Variants in MAL2 observed in about 807,000 individuals in gnomAD.
The protein encoded by MAL2 is protein MAL2.
In MAL2, 17 loss-of-function variants were observed where a neutral mutation model predicts 18.1. That is an observed-to-expected ratio of 0.94 (90% confidence interval 0.64 to 1.41). The LOEUF (loss-of-function observed/expected upper bound fraction) is 1.41, where lower values mean the gene tolerates loss of function less well. Among genes scored for constraint, MAL2 ranks in the 40% most tolerant of loss-of-function variants. The probability of loss-of-function intolerance (pLI) is 0.00; values close to 1 mark genes in which losing one functional copy is unlikely to be tolerated. For synonymous variants in MAL2, 102 were observed against 102.3 expected, an observed-to-expected ratio of 1.00 and a Z score of 0.02; for missense variants, 222 against 231.9, an observed-to-expected ratio of 0.96 and a Z score of 0.28.
At chr8:119,236,747 G>C (rs1305672702) in intron 2 of MAL2, among the ~76,000 whole-genome samples, 1 of 150,568 alleles carries the variant, frequency 6.6e-6, no homozygotes, top group East Asian at 1.9e-4. Context: ...AAACCAACGA[G>C]AACAAAGACA....
At chr8:119,234,629 C>T (rs1346364111) in intron 2 of MAL2, among the ~76,000 whole-genome samples, 1 of 151,926 alleles carries the variant, frequency 6.6e-6, no homozygotes, top group African/African-American at 2.4e-5. Context: ...GGCAGACTGC[C>T]TCCTCAAGTG....
intron 2 of MAL2, among the ~76,000 whole-genome samples, chr8:119,222,520 CA>C (rs771003231): frequency 0.046 from 3,738 of 80,500 alleles, 106 homozygotes; most frequent in African/African-American, 0.13. Context: ...GACTCCATCT[CA>C]AAAAAAAAAA....
chr8:119,234,263 C>T lies in MAL2; in HGVS notation c.304-5902C>T, dbSNP rs949806289. ...GCACTTTTCAGACCGGCTTAAAAAA[C>T]GGCGCACCACGAGATTGTATCCCAC... On this transcript the variant is annotated intron_variant, in intron 2 of 3. Transcript: ENST00000614891. 2.6e-4 allele frequency among the ~76,000 whole-genome samples: 39 copies of T among 152,252 alleles called. 1 individual carries two copies. The highest frequency in any genetic ancestry group is 8.2e-4 in the African/African-American group (34 of 41,560).
chr8:119,221,502 T>C, intron 1 of MAL2, 85 bp from the exon 2 acceptor site: 2 of 1,517,366 alleles, frequency 1.3e-6, no homozygotes, highest in Non-Finnish European at 1.8e-6. Flanking sequence ...ATGAAGGCAA[T>C]GCTGAGGGTA....
intron 1 of MAL2, among the ~76,000 whole-genome samples, chr8:119,220,672 C>G (rs1179645681): frequency 6.6e-6 from 1 of 152,124 alleles, no homozygotes; most frequent in African/African-American, 2.4e-5. Context: ...TGTTCTTCAC[C>G]TATGCGGGGC....
intron 2 of MAL2, among the ~76,000 whole-genome samples, chr8:119,226,356 T>C (rs905724553): frequency 2.0e-5 from 3 of 152,090 alleles, no homozygotes; most frequent in Admixed American, 6.5e-5. Context: ...TTTCTACTTA[T>C]GGCTAGCCAG....
intron 1 of MAL2, among the ~76,000 whole-genome samples, chr8:119,219,921 A>G (rs1817436033): frequency 2.0e-5 from 3 of 152,306 alleles, no homozygotes; most frequent in African/African-American, 7.2e-5. Context: ...GAGTGGGAGA[A>G]TCTCAAGTAC....
intron 1 of MAL2, chr8:119,215,389 C>T (rs1817333169): frequency 6.6e-6 from 1 of 152,120 alleles, no homozygotes; most frequent in Non-Finnish European, 1.5e-5. Flanking sequence ...TTACACATGC[C>T]GGTTGGTTTC....
intron 1 of MAL2, 37 bp from the exon 2 acceptor site, chr8:119,221,550 T>C (rs764011448): frequency 6.2e-7 from 1 of 1,611,438 alleles, no homozygotes; most frequent in South Asian, 1.1e-5. Flanking sequence ...GAAAGGTATC[T>C]TTTAAGCAAA....
In MAL2 at chr8:119,243,654, TA is replaced by T; in HGVS notation, c.*168del. 1 of 448,760 alleles carries T rather than the reference TA, an allele frequency of 2.2e-6. No individual in the cohort carries two copies. Among genetic ancestry groups the T allele is most frequent in the Non-Finnish European group, 3.9e-6 (1 of 259,402 alleles). 27.8% of individuals were successfully genotyped at this position (448,760 alleles called of 1,614,324 possible). A position where few individuals can be genotyped will look rare whatever the true frequency, so the allele number is the denominator to read the frequency against. ...CTGGTTTATTTCATGGATGGAATGT[TA>T]ATTTTATTATGATATTAAAGAAATG... On this transcript the variant is annotated 3_prime_UTR_variant, in exon 4 of 4. Coordinates refer to ENST00000614891, the MANE Select transcript of MAL2 (RefSeq NM_052886.3).
intron 2 of MAL2, among the ~76,000 whole-genome samples, chr8:119,222,396 G>A (rs979672134): frequency 2.0e-5 from 3 of 151,738 alleles, no homozygotes; most frequent in African/African-American, 7.3e-5. Context: ...CGGGCATGAT[G>A]GGGTGTGCCT....
At chr8:119,209,149 T>A (rs1171756961) in intron 1 of MAL2, 1 of 154,706 alleles carries the variant, frequency 6.5e-6, no homozygotes, top group Non-Finnish European at 1.4e-5. Flanking sequence ...CCATCATTAG[T>A]GGCCTTTGGA....
chr8:119,239,516 A>T (rs527380710), intron 2 of MAL2, among the ~76,000 whole-genome samples: 1,554 of 151,072 alleles, frequency 0.01, 31 homozygotes, highest in African/African-American at 0.037. Flanking sequence ...ACTTGGAACC[A>T]ACCCAAATGT....
intron 1 of MAL2, among the ~76,000 whole-genome samples, chr8:119,217,011 G>A (rs1030025633): frequency 2.0e-5 from 3 of 152,176 alleles, no homozygotes; most frequent in African/African-American, 7.2e-5. Flanking sequence ...GTCCAAACAG[G>A]AGATGAGTTA....
chr8:119,239,097 A>G (rs1275366771), intron 2 of MAL2, among the ~76,000 whole-genome samples: 3 of 152,208 alleles, frequency 2.0e-5, no homozygotes, highest in Admixed American at 1.3e-4. Flanking sequence ...AAACAACCCC[A>G]TCAAAAAGTG....
rs147002753 is a variant in MAL2, at chr8:119,214,946, T to C, written c.132+6342T>C. Among the ~76,000 whole-genome samples, 342 of 152,234 alleles carry C rather than the reference T, an allele frequency of 2.2e-3. 2 individuals are homozygous for C. Among genetic ancestry groups the C allele is most frequent in the Middle Eastern group, 0.017 (5 of 294 alleles). Reference sequence around the variant, plus strand: ...TAATGCAGGTCTATGCCAGGGCCAGTCCAGAAGCAGTTTGGACAGAAGTCA... The same window carrying C: ...TAATGCAGGTCTATGCCAGGGCCAGCCCAGAAGCAGTTTGGACAGAAGTCA... On this transcript the variant is annotated intron_variant, in intron 1 of 3. Transcript: ENST00000614891.
At chr8:119,209,833 T>G (rs1307363594) in intron 1 of MAL2, among the ~76,000 whole-genome samples, 1 of 152,164 alleles carries the variant, frequency 6.6e-6, no homozygotes, top group Non-Finnish European at 1.5e-5. Flanking sequence ...ACTGCGAGGC[T>G]GGTTTGAGTT....
chr8:119,209,854 T>C (rs1266936671), intron 1 of MAL2, among the ~76,000 whole-genome samples: 1 of 152,214 alleles, frequency 6.6e-6, no homozygotes, highest in Non-Finnish European at 1.5e-5. Flanking sequence ...TGAGCCTGGT[T>C]CAGAAGCATC....
chr8:119,209,573 C>A (rs555565180), intron 1 of MAL2, among the ~76,000 whole-genome samples: 1 of 152,296 alleles, frequency 6.6e-6, no homozygotes, highest in Non-Finnish European at 1.5e-5. Context: ...AGTGCCTTTC[C>A]GGCAGGCTGG....
Sources: gnomAD v4.1 joint callset for allele counts (sites outside exome capture counted in the v4.1 genomes callset) on GRCh38, gnomAD v4.1.1 for gene constraint, MANE v1.5 for transcripts, NCBI Gene and HGNC (gene_info 2026-07-23, HGNC 2026-07-21) for gene names.